SLC6A11: variants seen among roughly 807,000 people sequenced by gnomAD.
The protein encoded by SLC6A11 is sodium- and chloride-dependent GABA transporter 3.
In SLC6A11, 25 loss-of-function variants were observed where a neutral mutation model predicts 74.8. That is an observed-to-expected ratio of 0.33 (90% CI 0.24 to 0.47). The LOEUF is 0.47. Ranked by LOEUF, SLC6A11 falls within the 20% of genes least tolerant of loss-of-function variation. The pLI, the probability that SLC6A11 is intolerant of heterozygous loss-of-function variation, is 1.00. For synonymous variants in SLC6A11, 330 were observed against 330.2 expected (o/e 1.00, Z 0.01); for missense variants, 574 against 837.0 (o/e 0.69, Z 3.88).
chr3:10,884,241 C>T (rs1217830371), intron 6 of SLC6A11, among the ~76,000 whole-genome samples: 2 of 152,112 alleles, frequency 1.3e-5, no homozygotes, highest in East Asian at 1.9e-4. Context: ...GAGGTTGAAA[C>T]GCTGCTTGGG....
chr3:10,835,525 C>T (rs1416268536), intron 4 of SLC6A11, among the ~76,000 whole-genome samples: 2 of 152,192 alleles, frequency 1.3e-5, no homozygotes, highest in African/African-American at 4.8e-5. Flanking sequence ...TCCCTGAGTG[C>T]CTGCTCCTCT....
rs34534401 is a variant in SLC6A11, at chr3:10,909,372, G to GA, written c.892-2708dup. Among the ~76,000 whole-genome samples, 1,867 of 149,704 alleles carry GA rather than the reference G, an allele frequency of 0.012. 83 individuals are homozygous for GA. In the East Asian group the frequency reaches 0.16, roughly 13 times the overall value. Reference sequence around the variant, plus strand: ...GTTGATGTGCCCAAAGAGCAAATTGGAAAAAAAAAATACCTGCAAGTGAAA... The same window carrying GA: ...GTTGATGTGCCCAAAGAGCAAATTGGAAAAAAAAAAATACCTGCAAGTGAAA... On this transcript the variant is annotated intron_variant, in intron 6 of 13. Transcript: ENST00000254488.
rs1207462768 is a variant in SLC6A11, at chr3:10,844,200, C to T, written c.624-14C>T. The T allele has an allele frequency of 5.6e-6, 9 of 1,614,036 alleles. No individual in the cohort carries two copies. The highest frequency in any genetic ancestry group is 1.1e-5 in the South Asian group (1 of 91,082). On this transcript the variant is annotated splice_polypyrimidine_tract_variant and intron_variant, in intron 4 of 13. Coordinates refer to ENST00000254488, the MANE Select transcript of SLC6A11 (RefSeq NM_014229.3). The stretch of plus-strand genomic sequence containing the variant: ...AGCCCCAGCCCCAGTGACTCTCCAC[C>T]CTCCCTTCTGCAGGCACCGGGTCCT...
chr3:10,853,516 G>A (rs1028207463), intron 5 of SLC6A11, among the ~76,000 whole-genome samples: 8 of 152,104 alleles, frequency 5.3e-5, no homozygotes, highest in Admixed American at 1.3e-4. Flanking sequence ...AAGCAGCGGC[G>A]CAAAACCAGT....
chr3:10,911,487 T>C (rs1695388212), intron 6 of SLC6A11, among the ~76,000 whole-genome samples: 2 of 152,190 alleles, frequency 1.3e-5, no homozygotes, highest in Admixed American at 6.5e-5. Flanking sequence ...GAGTCTGTTC[T>C]GAAAGGGAGA....
intron 5 of SLC6A11, among the ~76,000 whole-genome samples, chr3:10,850,381 A>G (rs1038258938): frequency 2.0e-5 from 3 of 152,292 alleles, no homozygotes; most frequent in Non-Finnish European, 2.9e-5. Context: ...GCAAGTGTTT[A>G]CTGTGTACCT....
At chr3:10,826,733 G>C (rs1309147609) in intron 4 of SLC6A11, among the ~76,000 whole-genome samples, 2 of 152,194 alleles carry the variant, frequency 1.3e-5, no homozygotes, top group Non-Finnish European at 2.9e-5. Flanking sequence ...TATTATATGA[G>C]AAGAGTCAAA....
intron 6 of SLC6A11, among the ~76,000 whole-genome samples, chr3:10,882,476 C>T (rs1031825533): frequency 6.6e-6 from 1 of 152,174 alleles, no homozygotes; most frequent in Admixed American, 6.5e-5. Context: ...CCGTTCTCCA[C>T]CCACTAGGAT....
intron 4 of SLC6A11, among the ~76,000 whole-genome samples, chr3:10,841,196 C>T (rs1412801612): frequency 6.6e-6 from 1 of 152,200 alleles, no homozygotes; most frequent in African/African-American, 2.4e-5. Context: ...TGAACAGTGT[C>T]GGGGGAGGTC....
At chr3:10,919,344 G>T (rs1480885512) in intron 8 of SLC6A11, among the ~76,000 whole-genome samples, 1 of 152,160 alleles carries the variant, frequency 6.6e-6, no homozygotes, top group Non-Finnish European at 1.5e-5. Context: ...AGTATAAATA[G>T]GTTTTTCACC....
rs1438183702 is a variant in SLC6A11 at position 10,934,073 on chromosome 3, C to G, written c.1482C>G (p.Asn494Lys). The G allele has an allele frequency of 1.2e-6, 2 of 1,612,628 alleles. No homozygotes were observed. The highest frequency in any genetic ancestry group is 2.2e-5 in the South Asian group (2 of 91,038). Residue 494 changes from asparagine to lysine, a missense_variant, in exon 12 of 14, where the codon AAC becomes AAG. Asn to Lys is a moderately conservative substitution (Grantham distance 94, BLOSUM62 0). Transcript: ENST00000254488. ...CICIGWVYGS[N>K]RFYDNIEDMI... ...CTGATTTATTCCGGACAGGAAGCAA[C>G]CGGTTCTATGATAACATTGAAGACA...
At chr3:10,864,088 T>C (rs1056113986) in intron 5 of SLC6A11, among the ~76,000 whole-genome samples, 2 of 152,018 alleles carry the variant, frequency 1.3e-5, no homozygotes, top group Non-Finnish European at 1.5e-5. Context: ...CTTCTGATCT[T>C]CCATTTCTCC....
chr3:10,880,096 C>G (rs1221867772), intron 6 of SLC6A11, among the ~76,000 whole-genome samples: 1 of 152,186 alleles, frequency 6.6e-6, no homozygotes, highest in Non-Finnish European at 1.5e-5. Context: ...ACATCCTAAG[C>G]TAGTCTTAGG....
chr3:10,866,601 A>G (rs1694765426), intron 5 of SLC6A11, among the ~76,000 whole-genome samples: 1 of 152,228 alleles, frequency 6.6e-6, no homozygotes, highest in South Asian at 2.1e-4. Context: ...TAATTTTCAC[A>G]GCTAATGATA....
At chr3:10,879,439 C>T (rs1369046505) in intron 6 of SLC6A11, among the ~76,000 whole-genome samples, 1 of 152,118 alleles carries the variant, frequency 6.6e-6, no homozygotes, top group Non-Finnish European at 1.5e-5. Flanking sequence ...GAATACCCAG[C>T]CCATGAAGAA....
At chr3:10,858,810 G>A (rs1225801463) in intron 5 of SLC6A11, among the ~76,000 whole-genome samples, 1 of 152,160 alleles carries the variant, frequency 6.6e-6, no homozygotes, top group Non-Finnish European at 1.5e-5. Context: ...CACCTACTGG[G>A]TTTTAGGTAT....
At chr3:10,820,459 G>C (rs566159613) in intron 3 of SLC6A11, among the ~76,000 whole-genome samples, 60 of 152,264 alleles carry the variant, frequency 3.9e-4, no homozygotes, top group African/African-American at 1.4e-3. Flanking sequence ...CCAAGAGGTG[G>C]CTATTGCCTT....
chr3:10,907,439 A>G (rs1695319403), intron 6 of SLC6A11, among the ~76,000 whole-genome samples: 1 of 152,214 alleles, frequency 6.6e-6, no homozygotes, highest in East Asian at 1.9e-4. Context: ...CGAGTCCCCA[A>G]AGAAGAGACC....
At chr3:10,819,944 C>A in intron 3 of SLC6A11, 92 bp downstream of exon 3, 1 of 1,390,534 alleles carries the variant, frequency 7.2e-7, no homozygotes. Flanking sequence ...TGGTCCCTGG[C>A]CTCTCGTCAT....
Sources: allele counts gnomAD v4.1 joint callset (sites outside exome capture counted in the v4.1 genomes callset), GRCh38; gene constraint gnomAD v4.1.1; transcripts MANE v1.5; gene names NCBI Gene and HGNC (gene_info 2026-07-23, HGNC 2026-07-21).